SPHKAP: variants seen among roughly 807,000 people sequenced by gnomAD.
SPHKAP encodes the protein SPHK1 interactor, AKAP domain containing, also known as A-kinase anchor protein SPHKAP.
SPHKAP carries 67 observed loss-of-function variants against 137.5 expected under a neutral mutation model. That is an observed-to-expected ratio of 0.49 (90% CI 0.40 to 0.60). The LOEUF (loss-of-function observed/expected upper bound fraction) is 0.60, where lower values mean the gene tolerates loss of function less well. Ranked by LOEUF, SPHKAP falls within the 20% of genes least tolerant of loss-of-function variation. SPHKAP has a pLI of 0.00. For synonymous variants in SPHKAP, 813 were observed against 785.3 expected, an observed-to-expected ratio of 1.04 and a Z score of -0.59; for missense variants, 2,097 against 2,069.3, an observed-to-expected ratio of 1.01 and a Z score of -0.26.
At chr2:228,084,482 T>C (rs1244876484) in intron 3 of SPHKAP, among the ~76,000 whole-genome samples, 1 of 152,210 alleles carries the variant, frequency 6.6e-6, no homozygotes, top group African/African-American at 2.4e-5. Context: ...TAAATATTGT[T>C]TATTATAAAT....
intron 11 of SPHKAP, among the ~76,000 whole-genome samples, chr2:227,986,415 G>A (rs947190802): frequency 1.5e-4 from 23 of 152,138 alleles, no homozygotes; most frequent in African/African-American, 5.6e-4. Context: ...TTGGAGACTT[G>A]GGGCAAAGGG....
intron 1 of SPHKAP, among the ~76,000 whole-genome samples, chr2:228,148,009 C>T (rs1462925293): frequency 6.6e-6 from 1 of 152,162 alleles, no homozygotes; most frequent in African/African-American, 2.4e-5. Flanking sequence ...AAACTGACTC[C>T]GGCCTGTGCT....
intron 11 of SPHKAP, among the ~76,000 whole-genome samples, chr2:227,985,032 C>G (rs1424217783): frequency 1.3e-5 from 2 of 152,168 alleles, no homozygotes; most frequent in African/African-American, 4.8e-5. Flanking sequence ...AAACTCTTCC[C>G]AGAATTCTCT....
At chr2:228,090,969 A>G (rs72973786) in intron 3 of SPHKAP, among the ~76,000 whole-genome samples, 39,027 of 152,040 alleles carry the variant, frequency 0.26, 5,188 homozygotes, top group South Asian at 0.42. Flanking sequence ...ATGACAGAAG[A>G]GCAGACTAAT....
chr2:228,108,788 T>C, intron 3 of SPHKAP, 44 bp downstream of exon 3: 1 of 1,440,142 alleles, frequency 6.9e-7, no homozygotes, highest in Non-Finnish European at 9.7e-7. Context: ...TGTGCCCGCT[T>C]CCCTGCTTTA....
chr2:227,982,649 A>G (rs139354720), intron 11 of SPHKAP, among the ~76,000 whole-genome samples: 100 of 152,354 alleles, frequency 6.6e-4, no homozygotes, highest in African/African-American at 2.2e-3. Flanking sequence ...CAGGAACTGT[A>G]GGAAATATTT....
intron 3 of SPHKAP, among the ~76,000 whole-genome samples, chr2:228,033,791 A>G (rs1695456566): frequency 6.6e-6 from 1 of 152,246 alleles, no homozygotes; most frequent in African/African-American, 2.4e-5. Context: ...TGGATACATA[A>G]CGAAATGAAG....
At position 228,017,834 on chromosome 2, in the gene SPHKAP, G is replaced by T. The variant is rs752182241; in HGVS notation, c.3020C>A (p.Thr1007Lys). ...PPRLSEIKRK[T>K]DEHPELKEKL... ...TTCTTTAAGCTCAGGGTGCTCGTCC[G>T]TCTTCCTCTTGATCTCACTGAGCCG... The change falls in exon 7 of 12, where the codon ACG (threonine) becomes AAG (lysine). Residue 1007 changes from threonine to lysine, a missense_variant. By Grantham distance (78) the Thr-to-Lys change is moderately conservative (BLOSUM62 -1). Transcript: ENST00000392056. 1 of 1,614,012 alleles carries T rather than the reference G, an allele frequency of 6.2e-7. No homozygotes were observed. The highest frequency in any genetic ancestry group is 1.3e-5 in the African/African-American group (1 of 75,038).
Position 228,181,323 on chromosome 2 carries a change from C to A in SPHKAP, c.32+244G>T, listed in dbSNP as rs1162307104. On this transcript the variant is annotated intron_variant, in intron 1 of 11. Transcript: ENST00000392056. The surrounding 1 kb of genome is among the most constrained non-coding windows in gnomAD (Gnocchi z 4.3). The stretch of plus-strand genomic sequence containing the variant: ...CCTTAGAGGCGGGCACGGGGCTGAC[C>A]CCCAACCCGTGCCACTCCAGCGCAC... Among the ~76,000 whole-genome samples the A allele has an allele frequency of 6.6e-6, 1 of 152,116 alleles. No individual in the cohort carries two copies. Among genetic ancestry groups the A allele is most frequent in the Non-Finnish European group, 1.5e-5 (1 of 67,996 alleles).
At chr2:228,104,296 A>G (rs925124074) in intron 3 of SPHKAP, among the ~76,000 whole-genome samples, 2 of 143,870 alleles carry the variant, frequency 1.4e-5, no homozygotes, top group African/African-American at 5.2e-5. Flanking sequence ...TATATCATAT[A>G]TTATATAATA....
rs1421448723 is a variant in SPHKAP, at chr2:228,017,912, C to T, written c.2942G>A (p.Arg981Lys). The change falls in exon 7 of 12, where the codon AGG (arginine) becomes AAG (lysine). Residue 981 changes from arginine to lysine, a missense_variant. Transcript: ENST00000392056. Reference sequence around the variant, plus strand: ...CCCGCTCCCCTGGCTCTCTTTCTTCCTCTTCAAGGATCGGCAGGGTACGTT... The same window carrying T: ...CCCGCTCCCCTGGCTCTCTTTCTTCTTCTTCAAGGATCGGCAGGGTACGTT... Reference protein sequence around the residue: ...TPNVPCRSLKRKKESQGSGTA... With the variant: ...TPNVPCRSLKKKKESQGSGTA... 3.1e-6 allele frequency: 5 copies of T among 1,614,020 alleles called. No homozygotes were observed. Among genetic ancestry groups the T allele is most frequent in the Middle Eastern group, 1.6e-4 (1 of 6,084 alleles).
At chr2:228,153,162 G>T (rs1000163950) in intron 1 of SPHKAP, among the ~76,000 whole-genome samples, 1 of 152,036 alleles carries the variant, frequency 6.6e-6, no homozygotes, top group Non-Finnish European at 1.5e-5. Flanking sequence ...AAATTACCCA[G>T]TCTCAGGTGT....
chr2:227,981,971 C>A, intron 11 of SPHKAP, 111 bp from the exon 12 acceptor site: 2 of 1,394,274 alleles, frequency 1.4e-6, no homozygotes, highest in Non-Finnish European at 9.3e-7. Flanking sequence ...TTAAATGTCT[C>A]TAGTGTCAGA....
At chr2:228,179,451 T>C (rs926105998) in intron 1 of SPHKAP, among the ~76,000 whole-genome samples, 1 of 152,208 alleles carries the variant, frequency 6.6e-6, no homozygotes. Context: ...TTAAGTCTTA[T>C]AGAAAAGGAA....
At chr2:228,009,632 T>A (rs1315882623) in intron 7 of SPHKAP, among the ~76,000 whole-genome samples, 1 of 152,204 alleles carries the variant, frequency 6.6e-6, no homozygotes, top group Non-Finnish European at 1.5e-5. Flanking sequence ...CATTGCAAGT[T>A]TATGTTGTTG....
At chr2:228,005,515 T>C (rs553924775) in intron 7 of SPHKAP, among the ~76,000 whole-genome samples, 82 of 152,344 alleles carry the variant, frequency 5.4e-4, no homozygotes, top group African/African-American at 1.9e-3. Flanking sequence ...TTTGCCAGTC[T>C]GTGTCTTTTA....
intron 1 of SPHKAP, among the ~76,000 whole-genome samples, chr2:228,176,476 G>A (rs1423413796): frequency 6.6e-6 from 1 of 152,212 alleles, no homozygotes; most frequent in African/African-American, 2.4e-5. Flanking sequence ...GTATATCCTG[G>A]ACGTCAGCAC....
intron 1 of SPHKAP, among the ~76,000 whole-genome samples, chr2:228,139,000 G>T (rs565918380): frequency 6.6e-6 from 1 of 152,176 alleles, no homozygotes; most frequent in Non-Finnish European, 1.5e-5. Flanking sequence ...TGGCAATAAA[G>T]AAAATATAAA....
chr2:228,127,418 T>C (rs12623974), intron 2 of SPHKAP, among the ~76,000 whole-genome samples: 51,991 of 152,084 alleles, frequency 0.34, 9,171 homozygotes, highest in East Asian at 0.51. Flanking sequence ...TGAACTACTC[T>C]TTTGAAGAGA....
Sources: gnomAD v4.1 joint callset for allele counts (sites outside exome capture counted in the v4.1 genomes callset) on GRCh38, gnomAD v4.1.1 for gene constraint, Gnocchi (gnomAD v3.1) non-coding constraint, MANE v1.5 for transcripts, NCBI Gene and HGNC (gene_info 2026-07-23, HGNC 2026-07-21) for gene names.